The following DHRSX variants were observed in gnomAD, a reference collection of about 807,000 sequenced individuals.
DHRSX encodes the protein polyprenol dehydrogenase.
A neutral mutation model predicts 34.0 loss-of-function variants in DHRSX; 31 were observed. The observed-to-expected ratio is 0.91, with a 90% CI of 0.69 to 1.23. The LOEUF (loss-of-function observed/expected upper bound fraction) is 1.23, where lower values mean the gene tolerates loss of function less well. Ranked by LOEUF, DHRSX falls within the 50% of genes most tolerant of loss-of-function variation. The probability of loss-of-function intolerance (pLI) is 0.00; values close to 1 mark genes in which losing one functional copy is unlikely to be tolerated. For missense variants in DHRSX, 414 were observed against 428.1 expected (o/e 0.97, Z 0.29); for synonymous variants, 201 against 183.8 (o/e 1.09, Z -0.76).
chrX:2,329,178 C>A lies in DHRSX; in HGVS notation c.287-37575G>T, dbSNP rs147529726. Among the ~76,000 whole-genome samples the A allele has an allele frequency of 3.5e-3, 528 of 152,214 alleles. 3 individuals carry two copies. Among genetic ancestry groups the A allele is most frequent in the Admixed American group, 0.014 (209 of 15,274 alleles). On this transcript the variant is annotated intron_variant, in intron 3 of 6. Transcript: ENST00000334651. ...CTGGTGCATAGGCCAGGCAGTGGGGCTCTACCTAAGTAATGCCTGGTGGTT... is the reference window on the plus strand; with the variant it reads ...CTGGTGCATAGGCCAGGCAGTGGGGATCTACCTAAGTAATGCCTGGTGGTT...
intron 3 of DHRSX, among the ~76,000 whole-genome samples, chrX:2,296,168 A>G (rs1165236222): frequency 6.6e-6 from 1 of 152,118 alleles, no homozygotes; most frequent in Admixed American, 6.6e-5. Context: ...TATGCCTTGG[A>G]TGCTACGTAA....
chrX:2,297,726 C>T (rs1043815687), intron 3 of DHRSX, among the ~76,000 whole-genome samples: 3 of 150,594 alleles, frequency 2.0e-5, no homozygotes, highest in Non-Finnish European at 4.4e-5. Context: ...GCTAGGATGA[C>T]AGGAGTGCGG....
At position 2,243,134 on chromosome X, in the gene DHRSX, G is replaced by A. The variant is rs148401540; in HGVS notation, c.693C>T (p.Ser231=). 3 of 1,613,942 alleles carry A rather than the reference G, an allele frequency of 1.9e-6. No individual in the cohort carries two copies. The Admixed American group carries it at 5.0e-5, about 27-fold the overall frequency. ...GGTCCACCACGTTGGCGGTCACGTG[G>A]CTTCCCTCAGCCGCCAGCAGCCGCT... ...HLQRLLAAEG[S]HVTANVVDPG... The change falls in exon 6 of 7, where the codon AGC becomes AGT. Residue 231 remains serine, a synonymous_variant. Transcript: ENST00000334651.
intron 3 of DHRSX, among the ~76,000 whole-genome samples, chrX:2,354,590 T>G (rs1484662028): frequency 6.6e-6 from 1 of 152,106 alleles, no homozygotes; most frequent in Non-Finnish European, 1.5e-5. Context: ...GCCTCCCGAA[T>G]AGCTGGGACC....
chrX:2,473,252 G>C (rs2044621559), intron 1 of DHRSX, among the ~76,000 whole-genome samples: 1 of 152,192 alleles, frequency 6.6e-6, no homozygotes, highest in Admixed American at 6.5e-5. Context: ...ACAAAGTCCA[G>C]ACCACACGGA....
chrX:2,229,546 G>C (rs1209716995), intron 6 of DHRSX, among the ~76,000 whole-genome samples: 1 of 152,082 alleles, frequency 6.6e-6, no homozygotes, highest in Non-Finnish European at 1.5e-5. Flanking sequence ...AAATCATAGG[G>C]TGACATAATG....
chrX:2,315,885 A>G (rs192030525), intron 3 of DHRSX, among the ~76,000 whole-genome samples: 13 of 152,194 alleles, frequency 8.5e-5, no homozygotes, highest in Non-Finnish European at 1.2e-4. Flanking sequence ...TCTTTGAGAC[A>G]GAGTCTCACT....
intron 4 of DHRSX, among the ~76,000 whole-genome samples, chrX:2,286,362 T>G (rs1375046941): frequency 2.6e-5 from 4 of 152,194 alleles, no homozygotes; most frequent in Non-Finnish European, 5.9e-5. Context: ...TCAAGGTTCA[T>G]CTGGCCCAAG....
chrX:2,237,230 T>C (rs66700967), intron 6 of DHRSX, among the ~76,000 whole-genome samples: 132,004 of 152,124 alleles, frequency 0.87, 57,804 homozygotes, highest in African/African-American at 0.96. Context: ...GCATCCTTGA[T>C]TTGATTAATT....
chrX:2,371,373 ACCCT>A lies in DHRSX; in HGVS notation c.286+37368_286+37371del, dbSNP rs2043061713. ...ATAGTCCCTCCTCCCATTACTATAG[ACCCT>A]CCGTTACCACAGTCCCCCCTTCTCA... is the stretch of plus-strand genomic sequence containing the variant. On this transcript the variant is annotated intron_variant, in intron 3 of 6. Coordinates refer to ENST00000334651, the MANE Select transcript of DHRSX (RefSeq NM_145177.3). 6.1e-5 allele frequency among the ~76,000 whole-genome samples: 4 copies of A among 65,442 alleles called. No homozygotes were observed. The South Asian group carries it at 1.5e-3, about 24-fold the overall frequency. 42.9% of individuals were successfully genotyped at this position (65,442 alleles called of 152,430 possible).
At chrX:2,348,821 G>A (rs112757195) in intron 3 of DHRSX, among the ~76,000 whole-genome samples, 6,836 of 151,684 alleles carry the variant, frequency 0.045, 525 homozygotes, top group African/African-American at 0.16. Context: ...AGCCTCCCAC[G>A]TAACTGGGAT....
At chrX:2,338,247 C>T (rs1164656256) in intron 3 of DHRSX, among the ~76,000 whole-genome samples, 2 of 151,724 alleles carry the variant, frequency 1.3e-5, no homozygotes, top group Non-Finnish European at 2.9e-5. Context: ...GCAGGAGAAT[C>T]GCTTGAACCT....
intron 3 of DHRSX, among the ~76,000 whole-genome samples, chrX:2,377,772 C>T (rs1362022956): frequency 6.7e-6 from 1 of 148,372 alleles, no homozygotes; most frequent in Non-Finnish European, 1.5e-5. Context: ...CAGAGTCTTG[C>T]TCTGTCGCCA....
chrX:2,360,514 C>A (rs1479602493), intron 3 of DHRSX, among the ~76,000 whole-genome samples: 2 of 151,950 alleles, frequency 1.3e-5, no homozygotes, highest in South Asian at 4.2e-4. Flanking sequence ...ACCCGGGAGG[C>A]GGAGATTGCA....
chrX:2,448,992 T>C (rs776694098), intron 1 of DHRSX, among the ~76,000 whole-genome samples: 93 of 152,080 alleles, frequency 6.1e-4, no homozygotes, highest in African/African-American at 1.9e-3. Context: ...AGTTCCAGAC[T>C]GGCCTGACCA....
At chrX:2,316,749 A>T in intron 3 of DHRSX, among the ~76,000 whole-genome samples, 1 of 152,310 alleles carries the variant, frequency 6.6e-6, no homozygotes, top group East Asian at 1.9e-4. Flanking sequence ...AGTTATTTAT[A>T]TCCTACTGCT....
intron 6 of DHRSX, among the ~76,000 whole-genome samples, chrX:2,225,031 TCA>T (rs1315196927): frequency 3.5e-5 from 5 of 142,948 alleles, no homozygotes; most frequent in South Asian, 2.2e-4. Flanking sequence ...TGCACACAGC[TCA>T]CATTCACACA....
intron 1 of DHRSX, chrX:2,490,468 C>T: frequency 6.2e-7 from 1 of 1,613,988 alleles, no homozygotes; most frequent in Non-Finnish European, 8.5e-7. Flanking sequence ...CACGCATCTG[C>T]TCCGTGTTGC....
chrX:2,377,090 G>A (rs1338958043), intron 3 of DHRSX, among the ~76,000 whole-genome samples: 14 of 151,688 alleles, frequency 9.2e-5, no homozygotes, highest in Non-Finnish European at 8.8e-5. Flanking sequence ...TACACCAGCC[G>A]TCCCCAGCCT....
Sources: allele counts gnomAD v4.1 joint callset (sites outside exome capture counted in the v4.1 genomes callset), GRCh38; gene constraint gnomAD v4.1.1; transcripts MANE v1.5; gene names NCBI Gene and HGNC (gene_info 2026-07-23, HGNC 2026-07-21).